The following RGS7BP variants were observed in gnomAD, a reference collection of about 807,000 sequenced individuals.
RGS7BP encodes the protein regulator of G protein signaling 7-binding protein.
A neutral mutation model predicts 31.3 loss-of-function variants in RGS7BP; 9 were observed. The ratio of observed to expected loss-of-function variants is 0.29; its 90% CI spans 0.17 to 0.50. The LOEUF (loss-of-function observed/expected upper bound fraction) is 0.50. Among genes scored for constraint, RGS7BP ranks in the 20% least tolerant of loss-of-function variants. The pLI, the probability that RGS7BP is intolerant of heterozygous loss-of-function variation, is 0.98. For synonymous variants in RGS7BP, 115 were observed against 120.1 expected (o/e 0.96, Z 0.28); for missense variants, 274 against 322.0 (o/e 0.85, Z 1.14).
chr5:64,565,554 A>T (rs546629013), intron 2 of RGS7BP, among the ~76,000 whole-genome samples: 198 of 152,266 alleles, frequency 1.3e-3, no homozygotes, highest in African/African-American at 4.5e-3. Flanking sequence ...ACCCTCAAGA[A>T]GCCAATCTCT....
chr5:64,589,350 A>G (rs1339144086), intron 3 of RGS7BP, among the ~76,000 whole-genome samples: 1 of 152,212 alleles, frequency 6.6e-6, no homozygotes, highest in African/African-American at 2.4e-5. Flanking sequence ...CTACAATGGT[A>G]CAAGCTGGCA....
chr5:64,594,902 T>A (rs764058370), intron 4 of RGS7BP, 45 bp downstream of exon 4: 2 of 1,594,168 alleles, frequency 1.3e-6, no homozygotes, highest in African/African-American at 1.3e-5. Flanking sequence ...CCTCCTCCCG[T>A]TAATGTTCTT....
intron 3 of RGS7BP, among the ~76,000 whole-genome samples, chr5:64,588,659 C>A (rs1255284883): frequency 6.6e-6 from 1 of 152,112 alleles, no homozygotes; most frequent in African/African-American, 2.4e-5. Context: ...CTACAATAGG[C>A]TAATTTGCAA....
chr5:64,558,102 C>G (rs1741970032), intron 2 of RGS7BP, among the ~76,000 whole-genome samples: 1 of 152,234 alleles, frequency 6.6e-6, no homozygotes, highest in Admixed American at 6.5e-5. Context: ...GATGCCATAT[C>G]ACTGTGGGCC....
At chr5:64,523,239 T>G (rs1478124479) in intron 2 of RGS7BP, among the ~76,000 whole-genome samples, 1 of 152,194 alleles carries the variant, frequency 6.6e-6, no homozygotes, top group Non-Finnish European at 1.5e-5. Context: ...GGCAGTGCTG[T>G]TGGGGTGAGC....
chr5:64,588,964 G>C (rs948802719), intron 3 of RGS7BP, among the ~76,000 whole-genome samples: 5 of 152,040 alleles, frequency 3.3e-5, no homozygotes, highest in African/African-American at 1.2e-4. Context: ...TAAAATATTA[G>C]AGTATCTCAA....
chr5:64,540,555 C>T (rs1448276566), intron 2 of RGS7BP, among the ~76,000 whole-genome samples: 2 of 152,036 alleles, frequency 1.3e-5, no homozygotes, highest in Admixed American at 6.6e-5. Flanking sequence ...AATATGTCTG[C>T]TTTTTTCCTT....
At position 64,506,681 on chromosome 5, in the gene RGS7BP, G is replaced by A. The variant is rs1220869861; in HGVS notation, c.57G>A (p.Ser19=). 2 of 1,613,102 alleles carry A rather than the reference G, an allele frequency of 1.2e-6. No individual in the cohort carries two copies. Among genetic ancestry groups the A allele is most frequent in the African/African-American group, 1.3e-5 (1 of 74,914 alleles). The change falls in exon 1 of 6, where the codon TCG becomes TCA. Residue 19 remains serine, a synonymous_variant. Coordinates refer to ENST00000334025, the MANE Select transcript of RGS7BP (RefSeq NM_001029875.3). The surrounding 1 kb of genome is among the most constrained non-coding windows in gnomAD (Gnocchi z 4.6). The part of the protein sequence containing the change: ...KKRPSRSTRS[S]IFQISKPPLQ... ...GCCCCAGCCGGTCCACCCGCTCCTC[G>A]ATCTTCCAGATCAGCAAGCCCCCGC...
intron 2 of RGS7BP, among the ~76,000 whole-genome samples, chr5:64,542,543 A>AT (rs1007603434): frequency 6.6e-6 from 1 of 152,182 alleles, no homozygotes; most frequent in Non-Finnish European, 1.5e-5. Flanking sequence ...CAAAAACGTT[A>AT]TTTTAGATAG....
chr5:64,513,917 T>A (rs1474714262), intron 2 of RGS7BP, among the ~76,000 whole-genome samples: 1 of 152,246 alleles, frequency 6.6e-6, no homozygotes, highest in Non-Finnish European at 1.5e-5. Flanking sequence ...AAGGCCGCCA[T>A]AACAAAGTGC....
At chr5:64,553,653 C>A (rs1392267696) in intron 2 of RGS7BP, among the ~76,000 whole-genome samples, 1 of 151,794 alleles carries the variant, frequency 6.6e-6, no homozygotes, top group Admixed American at 6.6e-5. Context: ...GTTCTATGAC[C>A]CCTGAGAATT....
intron 5 of RGS7BP, among the ~76,000 whole-genome samples, chr5:64,606,442 G>C (rs996947268): frequency 9.2e-5 from 14 of 152,004 alleles, no homozygotes; most frequent in African/African-American, 3.1e-4. Flanking sequence ...GATCTTCCAA[G>C]TCTTAAATAA....
chr5:64,558,152 T>C (rs900179478), intron 2 of RGS7BP, among the ~76,000 whole-genome samples: 1 of 152,016 alleles, frequency 6.6e-6, no homozygotes, highest in African/African-American at 2.4e-5. Context: ...AACTTTGAGC[T>C]AAGGTGTGTG....
chr5:64,588,088 T>A (rs560516712), intron 3 of RGS7BP, among the ~76,000 whole-genome samples: 9 of 152,330 alleles, frequency 5.9e-5, no homozygotes, highest in Admixed American at 4.6e-4. Context: ...ATATATGTGA[T>A]CAATATATGC....
chr5:64,549,169 C>T (rs1374244369), intron 2 of RGS7BP, among the ~76,000 whole-genome samples: 2 of 152,114 alleles, frequency 1.3e-5, no homozygotes, highest in Non-Finnish European at 2.9e-5. Context: ...CAGAATTCCT[C>T]GCCAGCTATA....
At chr5:64,600,748 G>A (rs1240185324) in intron 5 of RGS7BP, among the ~76,000 whole-genome samples, 1 of 152,172 alleles carries the variant, frequency 6.6e-6, no homozygotes, top group Admixed American at 6.5e-5. Flanking sequence ...TCACTGAGGG[G>A]AGAAATGGGA....
intron 3 of RGS7BP, among the ~76,000 whole-genome samples, chr5:64,578,339 T>G (rs1321956251): frequency 6.6e-6 from 1 of 152,232 alleles, no homozygotes; most frequent in Non-Finnish European, 1.5e-5. Flanking sequence ...TTCTCCCCTA[T>G]GTAGGATTAA....
intron 2 of RGS7BP, among the ~76,000 whole-genome samples, chr5:64,570,541 G>T (rs1285181159): frequency 6.6e-6 from 1 of 151,988 alleles, no homozygotes; most frequent in Non-Finnish European, 1.5e-5. Flanking sequence ...ACATTTTGCT[G>T]TTTTTTTAAA....
At chr5:64,519,499 G>GC (rs1433150392) in intron 2 of RGS7BP, among the ~76,000 whole-genome samples, 1 of 152,180 alleles carries the variant, frequency 6.6e-6, no homozygotes, top group African/African-American at 2.4e-5. Flanking sequence ...ACTGGGTGTA[G>GC]CCAGGGAAAA....
Sources: gnomAD v4.1 joint callset for allele counts (sites outside exome capture counted in the v4.1 genomes callset) on GRCh38, gnomAD v4.1.1 for gene constraint, Gnocchi (gnomAD v3.1) non-coding constraint, MANE v1.5 for transcripts, NCBI Gene and HGNC (gene_info 2026-07-23, HGNC 2026-07-21) for gene names.